Variants in CSMD1 observed in about 807,000 individuals in gnomAD.
The protein encoded by CSMD1 is CUB and Sushi multiple domains 1, also known as CUB and sushi domain-containing protein 1.
CSMD1 carries 213 observed loss-of-function variants against 417.5 expected under a neutral mutation model. The observed-to-expected ratio is 0.51, with a 90% confidence interval of 0.46 to 0.57. The LOEUF (loss-of-function observed/expected upper bound fraction) is 0.57, where lower values mean the gene tolerates loss of function less well. CSMD1 is among the 20% of genes least tolerant of loss of function. CSMD1 has a pLI of 0.00. For synonymous variants in CSMD1, 2,862 were observed against 1,736.8 expected, an observed-to-expected ratio of 1.65 and a Z score of -16.11; for missense variants, 6,923 against 4,529.7, an observed-to-expected ratio of 1.53 and a Z score of -15.17.
In CSMD1 at chr8:4,127,118, G is replaced by C. The variant is rs528365298; in HGVS notation, c.416-95019C>G. Among the ~76,000 whole-genome samples the C allele has an allele frequency of 1.1e-4, 17 of 152,086 alleles. No homozygotes were observed. The South Asian group carries it at 3.1e-3, about 28-fold the overall frequency. The stretch of plus-strand genomic sequence containing the variant: ...CAATCCTAGTTATCTGATTCACCCA[G>C]AGAAATGCTTCTCTGATCCATCTTT... On this transcript the variant is annotated intron_variant, in intron 3 of 69. Transcript: ENST00000635120.
rs773170830 is a variant in CSMD1 at position 3,219,458 on chromosome 8, G to C, written c.4485-16C>G. 2 of 1,436,096 alleles carry C rather than the reference G, an allele frequency of 1.4e-6. No individual in the cohort carries two copies. Among genetic ancestry groups the C allele is most frequent in the Admixed American group, 2.9e-5 (1 of 33,976 alleles). 89.0% of individuals were successfully genotyped at this position (1,436,096 alleles called of 1,614,324 possible). A position where few individuals can be genotyped will look rare whatever the true frequency, so the allele number is the denominator to read the frequency against. Reference sequence around the variant, plus strand: ...CATGTTGAAACTAAAGAAAAGAATAGTAATTATGTCATACGGCTAACAGAT... The same window carrying C: ...CATGTTGAAACTAAAGAAAAGAATACTAATTATGTCATACGGCTAACAGAT... On this transcript the variant is annotated splice_polypyrimidine_tract_variant and intron_variant, in intron 28 of 69. Coordinates refer to ENST00000635120, the MANE Select transcript of CSMD1 (RefSeq NM_033225.6).
intron 5 of CSMD1, among the ~76,000 whole-genome samples, chr8:3,862,801 A>G (rs138383650): frequency 1.3e-5 from 2 of 152,330 alleles, no homozygotes; most frequent in African/African-American, 4.8e-5. Flanking sequence ...GCCTATCACA[A>G]CAGCATTGCC....
intron 3 of CSMD1, among the ~76,000 whole-genome samples, chr8:4,238,194 A>G (rs1185350969): frequency 6.6e-6 from 1 of 152,186 alleles, no homozygotes; most frequent in African/African-American, 2.4e-5. Flanking sequence ...AAGTACGTCG[A>G]TATTAACACA....
Position 3,912,361 on chromosome 8 carries a change from T to G in CSMD1, c.818+85542A>C, listed in dbSNP as rs553761600. On this transcript the variant is annotated intron_variant, in intron 5 of 69. Coordinates refer to ENST00000635120, the MANE Select transcript of CSMD1 (RefSeq NM_033225.6). ...TTTCAGTCAAAACATGTATTTAGGATTTACTACATTCAAGGCAATCTTCTA... is the reference window on the plus strand; with the variant it reads ...TTTCAGTCAAAACATGTATTTAGGAGTTACTACATTCAAGGCAATCTTCTA... Among the ~76,000 whole-genome samples the G allele has an allele frequency of 1.9e-3, 291 of 152,270 alleles. 1 individual carries two copies. Among genetic ancestry groups the G allele is most frequent in the African/African-American group, 6.7e-3 (277 of 41,552 alleles).
chr8:3,187,972 A>C lies in CSMD1; in HGVS notation c.5524-7T>G. On this transcript the variant is annotated splice_polypyrimidine_tract_variant and splice_region_variant and intron_variant, in intron 35 of 69. Transcript: ENST00000635120. ...CAAAACTGATCACTTGGATCTACCAAACCATGACATTAAGTTAATATTTAT... is the reference window on the plus strand; with the variant it reads ...CAAAACTGATCACTTGGATCTACCACACCATGACATTAAGTTAATATTTAT... The C allele has an allele frequency of 6.2e-7, 1 of 1,610,250 alleles. No individual in the cohort carries two copies. The highest frequency in any genetic ancestry group is 8.5e-7 in the Non-Finnish European group (1 of 1,177,986).
chr8:4,138,568 G>C (rs947478752), intron 3 of CSMD1, among the ~76,000 whole-genome samples: 3 of 151,878 alleles, frequency 2.0e-5, no homozygotes, highest in Non-Finnish European at 2.9e-5. Flanking sequence ...GAATCCCCTG[G>C]ATCAGATCCT....
chr8:3,676,201 C>T (rs1365754046), intron 7 of CSMD1, among the ~76,000 whole-genome samples: 1 of 152,170 alleles, frequency 6.6e-6, no homozygotes, highest in Non-Finnish European at 1.5e-5. Flanking sequence ...TTTGTCCATA[C>T]TGCATTATGT....
chr8:4,208,498 T>A (rs1488162562), intron 3 of CSMD1, among the ~76,000 whole-genome samples: 1 of 152,226 alleles, frequency 6.6e-6, no homozygotes, highest in Non-Finnish European at 1.5e-5. Flanking sequence ...GTTCTGTAGT[T>A]TATTAATCTG....
intron 5 of CSMD1, among the ~76,000 whole-genome samples, chr8:3,867,743 G>A (rs940729926): frequency 6.6e-6 from 1 of 152,000 alleles, no homozygotes; most frequent in African/African-American, 2.4e-5. Context: ...TGCAAACACT[G>A]GCACAGGAAC....
At chr8:4,438,324 A>T (rs1373972034) in intron 2 of CSMD1, among the ~76,000 whole-genome samples, 1 of 152,184 alleles carries the variant, frequency 6.6e-6, no homozygotes. Flanking sequence ...AAGCAGCACC[A>T]AATCTCCAGT....
At chr8:3,686,322 G>A (rs940795409) in intron 7 of CSMD1, among the ~76,000 whole-genome samples, 2 of 152,124 alleles carry the variant, frequency 1.3e-5, no homozygotes, top group East Asian at 1.9e-4. Context: ...GTGACTTTCA[G>A]GAAGCGCCTT....
intron 37 of CSMD1, among the ~76,000 whole-genome samples, chr8:3,162,982 T>C (rs1366163081): frequency 6.6e-6 from 1 of 152,210 alleles, no homozygotes; most frequent in African/African-American, 2.4e-5. Context: ...CCTCTCTGTA[T>C]AAATCCTTAT....
chr8:4,202,356 T>G (rs748116907), intron 3 of CSMD1, among the ~76,000 whole-genome samples: 1 of 152,238 alleles, frequency 6.6e-6, no homozygotes, highest in African/African-American at 2.4e-5. Flanking sequence ...AATGTCTTCA[T>G]GTATCATTCT....
chr8:3,710,000 T>A (rs1379665234), intron 6 of CSMD1, among the ~76,000 whole-genome samples: 1 of 151,568 alleles, frequency 6.6e-6, no homozygotes, highest in East Asian at 2.0e-4. Flanking sequence ...ATCTTTTGGC[T>A]CCCCCAAAAA....
At chr8:3,926,011 CTA>C (rs927791848) in intron 5 of CSMD1, among the ~76,000 whole-genome samples, 3 of 120,082 alleles carry the variant, frequency 2.5e-5, no homozygotes, top group Non-Finnish European at 5.1e-5. Context: ...GTCTATTTGT[CTA>C]TACACACACA....
chr8:3,345,048 T>A (rs1807899855), intron 22 of CSMD1, among the ~76,000 whole-genome samples: 1 of 152,100 alleles, frequency 6.6e-6, no homozygotes. Context: ...CAGGTCTCCC[T>A]AGGAAGGCCT....
At chr8:3,401,588 C>T (rs138742681) in intron 15 of CSMD1, among the ~76,000 whole-genome samples, 27 of 152,180 alleles carry the variant, frequency 1.8e-4, no homozygotes, top group Admixed American at 6.5e-4. Context: ...ATTACACTGC[C>T]GTAACTAACA....
intron 18 of CSMD1, among the ~76,000 whole-genome samples, chr8:3,371,034 C>A (rs1472454343): frequency 1.3e-5 from 2 of 152,098 alleles, no homozygotes; most frequent in Non-Finnish European, 2.9e-5. Context: ...GGACATCCAT[C>A]TTCTCTTGAC....
chr8:3,847,592 G>T (rs2954210), intron 5 of CSMD1, among the ~76,000 whole-genome samples: 1 of 151,990 alleles, frequency 6.6e-6, no homozygotes, highest in Admixed American at 6.6e-5. Context: ...GAGAAGACTG[G>T]GGTAAGGGGT....
Sources: allele counts gnomAD v4.1 joint callset (sites outside exome capture counted in the v4.1 genomes callset), GRCh38; gene constraint gnomAD v4.1.1; transcripts MANE v1.5; gene names NCBI Gene and HGNC (gene_info 2026-07-23, HGNC 2026-07-21).